The following SPINK5 variants were observed in gnomAD, a reference collection of about 807,000 sequenced individuals.
SPINK5 encodes serine protease inhibitor Kazal-type 5.
Under a neutral mutation model 151.8 loss-of-function variants are expected in SPINK5, and 125 were observed. The ratio of observed to expected loss-of-function variants is 0.82; its 90% CI spans 0.71 to 0.96. The LOEUF (loss-of-function observed/expected upper bound fraction) is 0.96. Ranked by LOEUF, SPINK5 falls within the 40% of genes least tolerant of loss-of-function variation. SPINK5 has a pLI of 0.00. For synonymous variants in SPINK5, 374 were observed against 395.3 expected (o/e 0.95, Z 0.64); for missense variants, 1,194 against 1,291.9 (o/e 0.92, Z 1.16).
At chr5:148,064,696 CTCTGAAACATTAA>C in intron 1 of SPINK5, among the ~76,000 whole-genome samples, 1 of 152,088 alleles carries the variant, frequency 6.6e-6, no homozygotes, top group South Asian at 2.1e-4. Context: ...ACTTACGTTG[CTCTGAAACATTAA>C]AATTTTTAAA....
chr5:148,125,732 A>G lies in SPINK5; in HGVS notation c.2749A>G (p.Ser917Gly). ...KPSNNAKDEC[S>G]EFRNYIRNNE... ...CTTTCTCATTTTCTAGGATGAGTGCAGTGAATTTCGAAACTATATAAGGAA... is the reference window on the plus strand; with the variant it reads ...CTTTCTCATTTTCTAGGATGAGTGCGGTGAATTTCGAAACTATATAAGGAA... Residue 917 changes from serine to glycine, a missense_variant, in exon 29 of 33, where the codon AGT (serine) becomes GGT (glycine). Ser to Gly is a moderately conservative substitution (Grantham distance 56). Transcript: ENST00000256084. The G allele has an allele frequency of 6.2e-7, 1 of 1,614,194 alleles. No homozygotes were observed. Among genetic ancestry groups the G allele is most frequent in the Non-Finnish European group, 8.5e-7 (1 of 1,180,026 alleles).
intron 16 of SPINK5, among the ~76,000 whole-genome samples, chr5:148,105,919 C>T (rs141624292): frequency 3.3e-5 from 5 of 151,854 alleles, no homozygotes; most frequent in Admixed American, 2.0e-4. Context: ...CCACTGCACC[C>T]GGCCTGTTTA....
In SPINK5 at chr5:148,137,350, A is replaced by ACCT; in HGVS notation, c.*359_*360insCCT. On this transcript the variant is annotated 3_prime_UTR_variant, in exon 33 of 33. Transcript: ENST00000256084. ...TATTTGCTTTTAAAGAAACTGAATAAACTCTACCCTTTTGTCTTTTTGTGT... is the reference window on the plus strand; with the variant it reads ...TATTTGCTTTTAAAGAAACTGAATAACCTACTCTACCCTTTTGTCTTTTTGTGT... 3.4e-6 allele frequency: 1 copy of ACCT among 292,456 alleles called. No homozygotes were observed. Among genetic ancestry groups the ACCT allele is most frequent in the Non-Finnish European group, 6.0e-6 (1 of 165,494 alleles). 18.1% of individuals were successfully genotyped at this position (292,456 alleles called of 1,614,324 possible).
intron 29 of SPINK5, among the ~76,000 whole-genome samples, chr5:148,126,223 T>C (rs1754426802): frequency 6.6e-6 from 1 of 152,140 alleles, no homozygotes; most frequent in Admixed American, 6.5e-5. Context: ...TATCAGAATC[T>C]TGGGGCTATG....
At chr5:148,115,122 G>A (rs922824776) in intron 21 of SPINK5, among the ~76,000 whole-genome samples, 1 of 152,204 alleles carries the variant, frequency 6.6e-6, no homozygotes, top group East Asian at 1.9e-4. Context: ...GTATGTTACA[G>A]TACTTCAAGA....
intron 10 of SPINK5, among the ~76,000 whole-genome samples, chr5:148,096,697 A>G (rs11959273): frequency 0.46 from 69,722 of 150,452 alleles, 16,891 homozygotes; most frequent in Admixed American, 0.59. Context: ...CTCTGCCAGT[A>G]TAACTCCATT....
chr5:148,131,588 T>A (rs573976268), intron 31 of SPINK5, among the ~76,000 whole-genome samples, 199 bp downstream of exon 31: 1 of 152,156 alleles, frequency 6.6e-6, no homozygotes, highest in Non-Finnish European at 1.5e-5. Context: ...CTTTGGTAAA[T>A]TGCTTACCTA....
chr5:148,072,027 A>C, intron 3 of SPINK5, 121 bp from the exon 4 acceptor site: 1 of 874,356 alleles, frequency 1.1e-6, no homozygotes, highest in African/African-American at 1.7e-5. Context: ...ACATGCTACC[A>C]ATTTTGACAT....
At chr5:148,125,049 G>C (rs1754395799) in intron 28 of SPINK5, 2 of 653,546 alleles carry the variant, frequency 3.1e-6, no homozygotes, top group African/African-American at 3.8e-5. Context: ...CTCTGAGAGT[G>C]TGTGTCTATT....
In SPINK5 at chr5:148,112,629, C is replaced by T. The variant is rs148189869; in HGVS notation, c.1821-239C>T. On this transcript the variant is annotated intron_variant, in intron 19 of 32. Transcript: ENST00000256084. The stretch of plus-strand genomic sequence containing the variant: ...AGGAGGTTTCAGTGAGCCAAGATCG[C>T]GCCACTGCACTCCAGCCTGGCAACA... Among the ~76,000 whole-genome samples, 44 of 151,980 alleles carry T rather than the reference C, an allele frequency of 2.9e-4. No homozygotes were observed. In the East Asian group the frequency reaches 6.4e-3, roughly 22 times the overall value.
rs986646323 is a variant in SPINK5 at position 148,070,391 on chromosome 5, T to C, written c.150T>C (p.Phe50=). The C allele has an allele frequency of 6.2e-7, 1 of 1,612,914 alleles. No individual in the cohort carries two copies. The highest frequency in any genetic ancestry group is 1.7e-5 in the Admixed American group (1 of 59,860). Residue 50 remains phenylalanine (F), a synonymous_variant, in exon 3 of 33, where the codon TTT becomes TTC. Coordinates refer to ENST00000256084, the MANE Select transcript of SPINK5 (RefSeq NM_006846.4). The part of the protein sequence containing the change: ...GKLFCPQDKK[F]FQSLDGIMFI... ...TGTTCTGTCCCCAGGATAAGAAATT[T>C]TTTCAAAGTCTTGATGGAATAATGT...
intron 24 of SPINK5, 110 bp downstream of exon 24, chr5:148,119,168 G>A: frequency 9.4e-7 from 1 of 1,067,970 alleles, no homozygotes; most frequent in Admixed American, 1.8e-5. Context: ...CTTGCCCTTA[G>A]AAGGTCAGGA....
intron 4 of SPINK5, among the ~76,000 whole-genome samples, chr5:148,076,005 G>A (rs945211216): frequency 3.3e-5 from 5 of 151,730 alleles, no homozygotes; most frequent in Admixed American, 1.3e-4. Context: ...GCCTTCACAC[G>A]TAGTTGAAAG....
rs1754412825 is a variant in SPINK5 at position 148,125,725 on chromosome 5, T to C, written c.2742T>C (p.Asp914=). The change falls in exon 29 of 33, where the codon GAT becomes GAC. Residue 914 remains aspartate, a splice_region_variant and synonymous_variant. Coordinates refer to ENST00000256084, the MANE Select transcript of SPINK5 (RefSeq NM_006846.4). ...SSSKPSNNAK[D]ECSEFRNYIR... ...ACTTTCCCTTTCTCATTTTCTAGGA[T>C]GAGTGCAGTGAATTTCGAAACTATA... is the stretch of plus-strand genomic sequence containing the variant. 1.9e-6 allele frequency: 3 copies of C among 1,614,072 alleles called. No individual in the cohort carries two copies. Among genetic ancestry groups the C allele is most frequent in the Non-Finnish European group, 2.5e-6 (3 of 1,180,028 alleles).
chr5:148,077,989 T>C (rs1276398621), intron 4 of SPINK5, among the ~76,000 whole-genome samples: 1 of 150,964 alleles, frequency 6.6e-6, no homozygotes, highest in Non-Finnish European at 1.5e-5. Flanking sequence ...ACATAAATGG[T>C]TTAAACATCC....
intron 4 of SPINK5, among the ~76,000 whole-genome samples, chr5:148,073,472 TG>T (rs1561674138): frequency 6.6e-6 from 1 of 151,864 alleles, no homozygotes; most frequent in Non-Finnish European, 1.5e-5. Flanking sequence ...ACAAAATCTG[TG>T]GGGGCCAGAA....
rs1048802304 is a variant in SPINK5 at position 148,088,558 on chromosome 5, A to C, written c.427A>C (p.Ile143Leu). 3.1e-6 allele frequency: 5 copies of C among 1,611,666 alleles called. No homozygotes were observed. In the African/African-American group the frequency reaches 5.4e-5, roughly 17 times the overall value. ...TGATTCTAGGAAAACCGGGTCCCAA[A>C]TTGGTGTAAAAAGTGAAGGGGAATG... Reference protein sequence around the residue: ...CAENAKTGSQIGVKSEGECKS... With the variant: ...CAENAKTGSQLGVKSEGECKS... Residue 143 changes from isoleucine (I) to leucine (L), a missense_variant, in exon 6 of 33, where the codon ATT (isoleucine) becomes CTT (leucine). By Grantham distance (5) the Ile-to-Leu change is conservative (BLOSUM62 2). Coordinates refer to ENST00000256084, the MANE Select transcript of SPINK5 (RefSeq NM_006846.4).
In SPINK5 at chr5:148,125,843, G is replaced by C. The variant is rs764844397; in HGVS notation, c.2860G>C (p.Ala954Pro). 1.2e-6 allele frequency: 2 copies of C among 1,614,184 alleles called. No homozygotes were observed. ...FYTNKCYMCRAVFLTEALERA... is the reference protein window; with the variant it reads ...FYTNKCYMCRPVFLTEALERA... ...TACAAACAAGTGCTACATGTGCAGAGCTGTCTTGTGAGTAAGAGGATTCTG... is the reference window on the plus strand; with the variant it reads ...TACAAACAAGTGCTACATGTGCAGACCTGTCTTGTGAGTAAGAGGATTCTG... Residue 954 changes from alanine (A) to proline (P), a missense_variant, in exon 29 of 33, where the codon GCT becomes CCT. Physicochemically the swap from Ala to Pro is conservative, Grantham distance 27 (BLOSUM62 -1). Coordinates refer to ENST00000256084, the MANE Select transcript of SPINK5 (RefSeq NM_006846.4).
rs755645948 is a variant in SPINK5, at chr5:148,118,585, G to C, written c.2240+21G>C. On this transcript the variant is annotated intron_variant, in intron 23 of 32. Coordinates refer to ENST00000256084, the MANE Select transcript of SPINK5 (RefSeq NM_006846.4). The stretch of plus-strand genomic sequence containing the variant: ...AAATTGTAAGTATTTCTCTCAACAG[G>C]CATGTCTAAAATATAGTCACATTCC... The C allele has an allele frequency of 3.7e-6, 6 of 1,613,362 alleles. No homozygotes were observed. In the African/African-American group the frequency reaches 4.0e-5, roughly 11 times the overall value.
Sources: allele counts gnomAD v4.1 joint callset (sites outside exome capture counted in the v4.1 genomes callset), GRCh38; gene constraint gnomAD v4.1.1; transcripts MANE v1.5; gene names NCBI Gene and HGNC (gene_info 2026-07-23, HGNC 2026-07-21).